The following RETNLB variants were observed in gnomAD, a reference collection of about 807,000 sequenced individuals.
RETNLB encodes the protein resistin-like beta.
RETNLB carries 11 observed loss-of-function variants against 6.8 expected under a neutral mutation model. That is an observed-to-expected ratio of 1.62 (90% CI 1.02 to 2.68). The LOEUF (loss-of-function observed/expected upper bound fraction) is 2.68. RETNLB is among the 30% of genes most tolerant of loss of function. The pLI is 0.00. For synonymous variants in RETNLB, 57 were observed against 54.2 expected, an observed-to-expected ratio of 1.05 and a Z score of -0.23; for missense variants, 146 against 135.7, an observed-to-expected ratio of 1.08 and a Z score of -0.38.
At chr3:108,756,018 G>T in intron 2 of RETNLB, 113 bp from the exon 3 acceptor site, 1 of 1,199,384 alleles carries the variant, frequency 8.3e-7, no homozygotes, top group Non-Finnish European at 1.2e-6. Context: ...TAGGTTTCGT[G>T]GGGCCTCAAG....
chr3:108,757,283 G>A lies in RETNLB; in HGVS notation c.-98C>T. ...GTGGTGAAGGAAAGAAGACAACGTG[G>A]TTAGTTTCCAGGGAGTAAAGATGGA... On this transcript the variant is annotated 5_prime_UTR_variant, in exon 1 of 3. Transcript: ENST00000295755. 3.5e-6 allele frequency: 5 copies of A among 1,427,688 alleles called. No individual in the cohort carries two copies. Among genetic ancestry groups the A allele is most frequent in the Non-Finnish European group, 4.7e-6 (5 of 1,058,326 alleles). 88.4% of individuals were successfully genotyped at this position (1,427,688 alleles called of 1,614,324 possible). A position where few individuals can be genotyped will look rare whatever the true frequency, so the allele number is the denominator to read the frequency against.
chr3:108,756,718 G>C (rs1413382153), intron 1 of RETNLB, 130 bp from the exon 2 acceptor site: 2 of 677,734 alleles, frequency 3.0e-6, no homozygotes, highest in African/African-American at 3.6e-5. Flanking sequence ...CAGCTTTTAA[G>C]GTTAGTTTCC....
Position 108,757,070 on chromosome 3 carries a change from A to G in RETNLB, c.116T>C (p.Leu39Pro). The G allele has an allele frequency of 6.2e-7, 1 of 1,613,686 alleles. No individual in the cohort carries two copies. The highest frequency in any genetic ancestry group is 8.5e-7 in the Non-Finnish European group (1 of 1,179,776). The change falls in exon 1 of 3, where the codon CTC becomes CCC. Residue 39 changes from leucine (L) to proline (P), a missense_variant. Transcript: ENST00000295755. ...CCCCAGTCAGTTACCTAGACTGTTG[A>G]GAACATCCTTGATCTTCTTATCCAT... ...SVMDKKIKDV[L>P]NSLEYSPSPI...
At chr3:108,756,020 G>C (rs1945247452) in intron 2 of RETNLB, 115 bp from the exon 3 acceptor site, 2 of 1,156,148 alleles carry the variant, frequency 1.7e-6, no homozygotes, top group African/African-American at 1.5e-5. Flanking sequence ...GGTTTCGTGG[G>C]GCCTCAAGCT....
At chr3:108,756,254 G>C (rs1945249551) in intron 2 of RETNLB, among the ~76,000 whole-genome samples, 1 of 152,168 alleles carries the variant, frequency 6.6e-6, no homozygotes, top group Non-Finnish European at 1.5e-5. Flanking sequence ...GGACAATGGA[G>C]GAGAGGAAGG....
chr3:108,755,645 C>T lies in RETNLB; in HGVS notation c.*133G>A. 3.0e-6 allele frequency: 3 copies of T among 1,013,652 alleles called. No individual in the cohort carries two copies. Among genetic ancestry groups the T allele is most frequent in the Non-Finnish European group, 4.5e-6 (3 of 666,096 alleles). The allele number at this position is 1,013,652 out of a possible 1,614,324, so 62.8% of individuals were successfully genotyped here. Reference sequence around the variant, plus strand: ...GAGATGACATAAGCACAGAGAGGTACAAAGTTTGTCTTTATTACCCAAGAA... The same window carrying T: ...GAGATGACATAAGCACAGAGAGGTATAAAGTTTGTCTTTATTACCCAAGAA... On this transcript the variant is annotated 3_prime_UTR_variant, in exon 3 of 3. Transcript: ENST00000295755.
intron 1 of RETNLB, 159 bp downstream of exon 1, chr3:108,756,900 T>C: frequency 1.2e-6 from 1 of 801,270 alleles, no homozygotes; most frequent in East Asian, 2.7e-5. Flanking sequence ...CCTCAGCTTT[T>C]AGCCAAGACT....
At chr3:108,756,665 T>C (rs1439251977) in intron 1 of RETNLB, 77 bp from the exon 2 acceptor site, 2 of 1,063,092 alleles carry the variant, frequency 1.9e-6, no homozygotes, top group East Asian at 4.8e-5. Context: ...CAAATTGTCT[T>C]CTACCTTGGA....
chr3:108,756,649 C>A, intron 1 of RETNLB, 61 bp from the exon 2 acceptor site: 1 of 1,210,108 alleles, frequency 8.3e-7, no homozygotes, highest in South Asian at 1.2e-5. Flanking sequence ...TCCCCTTATC[C>A]CCTTCCAAAT....
chr3:108,756,422 C>T, intron 2 of RETNLB, 86 bp downstream of exon 2: 2 of 930,174 alleles, frequency 2.2e-6, no homozygotes, highest in East Asian at 2.4e-5. Context: ...ACAGACCTGA[C>T]ATGGGGGAAG....
intron 2 of RETNLB, 65 bp from the exon 3 acceptor site, chr3:108,755,970 A>G (rs1945246927): frequency 6.2e-7 from 1 of 1,601,742 alleles, no homozygotes; most frequent in African/African-American, 1.3e-5. Flanking sequence ...AGGGCTACCC[A>G]CAACCATCTT....
chr3:108,757,194 G>A lies in RETNLB; in HGVS notation c.-9C>T, dbSNP rs772047826. 1 of 1,610,592 alleles carries A rather than the reference G, an allele frequency of 6.2e-7. No homozygotes were observed. The highest frequency in any genetic ancestry group is 1.1e-5 in the South Asian group (1 of 90,234). On this transcript the variant is annotated 5_prime_UTR_variant, in exon 1 of 3. Transcript: ENST00000295755. Reference sequence around the variant, plus strand: ...CAAGAGGACGGCCCCATCCTGTACAGAGTCAGTGTCCTGGGGCTGGGAGAA... The same window carrying A: ...CAAGAGGACGGCCCCATCCTGTACAAAGTCAGTGTCCTGGGGCTGGGAGAA...
chr3:108,755,712 T>A lies in RETNLB; in HGVS notation c.*66A>T, dbSNP rs780236231. ...TGAAGTGGGACGTTTGAGTTAGATTTCTTGGTTGGGACCCTGGTTTCATTA... is the reference window on the plus strand; with the variant it reads ...TGAAGTGGGACGTTTGAGTTAGATTACTTGGTTGGGACCCTGGTTTCATTA... On this transcript the variant is annotated 3_prime_UTR_variant, in exon 3 of 3. Coordinates refer to ENST00000295755, the MANE Select transcript of RETNLB (RefSeq NM_032579.3). 1.5e-5 allele frequency: 23 copies of A among 1,569,238 alleles called. No individual in the cohort carries two copies. The highest frequency in any genetic ancestry group is 2.0e-5 in the Non-Finnish European group (23 of 1,146,708).
At position 108,757,226 on chromosome 3, in the gene RETNLB, G is replaced by A. The variant is rs769869256; in HGVS notation, c.-41C>T. 7 of 1,591,270 alleles carry A rather than the reference G, an allele frequency of 4.4e-6. No individual in the cohort carries two copies. The highest frequency in any genetic ancestry group is 5.1e-6 in the Non-Finnish European group (6 of 1,168,102). On this transcript the variant is annotated 5_prime_UTR_variant, in exon 1 of 3. Coordinates refer to ENST00000295755, the MANE Select transcript of RETNLB (RefSeq NM_032579.3). ...TGTCCTGGGGCTGGGAGAAAAGATGGAAAGCAGCTTAGATCTCTGAGCTCC... is the reference window on the plus strand; with the variant it reads ...TGTCCTGGGGCTGGGAGAAAAGATGAAAAGCAGCTTAGATCTCTGAGCTCC...
chr3:108,756,310 GA>G (rs2107482473), intron 2 of RETNLB, among the ~76,000 whole-genome samples, 197 bp downstream of exon 2: 1 of 152,282 alleles, frequency 6.6e-6, no homozygotes, highest in African/African-American at 2.4e-5. Context: ...GGAAGAGGCA[GA>G]AGCCCAAGAT....
intron 1 of RETNLB, 131 bp downstream of exon 1, chr3:108,756,928 A>C: frequency 5.1e-6 from 5 of 973,266 alleles, no homozygotes; most frequent in Admixed American, 2.7e-5. Context: ...CGGGTAGGGT[A>C]GTGTAGAAAG....
chr3:108,756,423 A>G (rs1945250421), intron 2 of RETNLB, 85 bp downstream of exon 2: 2 of 934,362 alleles, frequency 2.1e-6, no homozygotes, highest in East Asian at 2.4e-5. Flanking sequence ...CAGACCTGAC[A>G]TGGGGGAAGA....
At chr3:108,756,981 TAG>T in intron 1 of RETNLB, 76 bp downstream of exon 1, 2 of 1,523,154 alleles carry the variant, frequency 1.3e-6, no homozygotes, top group Non-Finnish European at 1.8e-6. Context: ...TGGGATGGGA[TAG>T]AGACAAAGCT....
chr3:108,757,172 G>A lies in RETNLB; in HGVS notation c.14C>T (p.Ser5Phe), dbSNP rs34125628. MGPS[S>F]CLLLILIPLL... ...GGGGATTAGGATGAGAAGGAGGCAA[G>A]AGGACGGCCCCATCCTGTACAGAGT... Residue 5 changes from serine (S) to phenylalanine (F), a missense_variant, in exon 1 of 3, where the codon TCT becomes TTT. Ser to Phe is a radical substitution (Grantham distance 155). Transcript: ENST00000295755. 11,136 of 1,613,708 alleles carry A rather than the reference G, an allele frequency of 6.9e-3. 580 individuals carry two copies. In the African/African-American group the frequency reaches 0.12, roughly 18 times the overall value.
Sources: allele counts gnomAD v4.1 joint callset (sites outside exome capture counted in the v4.1 genomes callset), GRCh38; gene constraint gnomAD v4.1.1; transcripts MANE v1.5; gene names NCBI Gene and HGNC (gene_info 2026-07-23, HGNC 2026-07-21).